RXFP1: variants seen among roughly 807,000 people sequenced by gnomAD.
RXFP1 encodes the protein relaxin family peptide receptor 1.
In RXFP1, 73 loss-of-function variants were observed where a neutral mutation model predicts 89.8. The ratio of observed to expected loss-of-function variants is 0.81; its 90% CI spans 0.67 to 0.99. The LOEUF is 0.99. Among genes scored for constraint, RXFP1 ranks in the 50% least tolerant of loss-of-function variants. The probability of loss-of-function intolerance (pLI) is 0.00; values close to 1 mark genes in which losing one functional copy is unlikely to be tolerated. For synonymous variants in RXFP1, 277 were observed against 305.5 expected (o/e 0.91, Z 0.97); for missense variants, 793 against 895.5 (o/e 0.89, Z 1.46).
chr4:158,638,119 G>GT, intron 13 of RXFP1, 40 bp downstream of exon 13: 1 of 1,195,538 alleles, frequency 8.4e-7, no homozygotes, highest in Admixed American at 2.1e-5. Context: ...TGATAAAATT[G>GT]TTTTTTAAAT....
chr4:158,574,290 A>G (rs867437240), intron 2 of RXFP1, among the ~76,000 whole-genome samples: 7 of 152,074 alleles, frequency 4.6e-5, no homozygotes, highest in Middle Eastern at 6.3e-3. Flanking sequence ...TGCTGTGATC[A>G]CTCCCCCAAG....
chr4:158,632,200 T>G (rs1768175202), intron 11 of RXFP1, among the ~76,000 whole-genome samples: 1 of 152,208 alleles, frequency 6.6e-6, no homozygotes, highest in South Asian at 2.1e-4. Context: ...CACCGATAAA[T>G]ATGTAACTAA....
At chr4:158,583,382 T>G (rs1757734102) in intron 2 of RXFP1, among the ~76,000 whole-genome samples, 2 of 152,204 alleles carry the variant, frequency 1.3e-5, no homozygotes, top group Non-Finnish European at 2.9e-5. Context: ...GGTTCTCATT[T>G]TAGAATATTC....
chr4:158,624,335 T>A (rs565402078), intron 9 of RXFP1, among the ~76,000 whole-genome samples: 76 of 152,196 alleles, frequency 5.0e-4, no homozygotes, highest in Non-Finnish European at 7.5e-4. Flanking sequence ...GAGCCAGAAA[T>A]GTAAAAGGTA....
chr4:158,593,582 AG>A (rs2150069663), intron 3 of RXFP1, 83 bp downstream of exon 3: 1 of 678,020 alleles, frequency 1.5e-6, no homozygotes, highest in Non-Finnish European at 2.3e-6. Context: ...TTTTAAAAAA[AG>A]ATTGCATCTC....
At chr4:158,522,345 A>T (rs1319239562) in intron 1 of RXFP1, among the ~76,000 whole-genome samples, 2 of 152,234 alleles carry the variant, frequency 1.3e-5, no homozygotes, top group African/African-American at 4.8e-5. Context: ...TATTCAAGGA[A>T]TATATTCATT....
At chr4:158,534,493 C>T (rs1234057887) in intron 1 of RXFP1, among the ~76,000 whole-genome samples, 1 of 152,024 alleles carries the variant, frequency 6.6e-6, no homozygotes, top group African/African-American at 2.4e-5. Flanking sequence ...GTGATCCGCC[C>T]GCCTCGGCCT....
chr4:158,628,841 C>T (rs1767458270), intron 11 of RXFP1, 132 bp downstream of exon 11: 1 of 423,448 alleles, frequency 2.4e-6, no homozygotes, highest in Non-Finnish European at 4.3e-6. Context: ...CATATATACA[C>T]CTCAAGCCAC....
intron 3 of RXFP1, among the ~76,000 whole-genome samples, chr4:158,598,317 C>T (rs1761018659): frequency 6.6e-6 from 1 of 152,152 alleles, no homozygotes; most frequent in Non-Finnish European, 1.5e-5. Context: ...TGTAGCTACA[C>T]ATGTTCCTAT....
chr4:158,580,816 G>T (rs948206625), intron 2 of RXFP1, among the ~76,000 whole-genome samples: 2 of 152,046 alleles, frequency 1.3e-5, no homozygotes, highest in Admixed American at 1.3e-4. Flanking sequence ...TATTATTTTT[G>T]AGACTGAGTC....
At chr4:158,561,504 C>A (rs1645985287) in intron 1 of RXFP1, among the ~76,000 whole-genome samples, 2 of 151,896 alleles carry the variant, frequency 1.3e-5, no homozygotes, top group Admixed American at 6.6e-5. Flanking sequence ...ATTTCATTTT[C>A]CAAAATATCT....
Position 158,645,013 on chromosome 4 carries a change from T to C in RXFP1, c.1220T>C (p.Ile407Thr), listed in dbSNP as rs1200743336. ...CTAGAGAATCTCTTGGCAAGCATTA[T>C]TCAGAGAGTATTTGTCTGGGTTGTA... The part of the protein sequence containing the change: ...SSLENLLASI[I>T]QRVFVWVVSA... Residue 407 changes from isoleucine (I) to threonine (T), a missense_variant, in exon 15 of 18, where the codon ATT (isoleucine) becomes ACT (threonine). By Grantham distance (89) the Ile-to-Thr change is moderately conservative (BLOSUM62 -1). Transcript: ENST00000307765. The C allele has an allele frequency of 6.8e-6, 11 of 1,614,178 alleles. No homozygotes were observed. Among genetic ancestry groups the C allele is most frequent in the East Asian group, 2.2e-5 (1 of 44,866 alleles).
intron 2 of RXFP1, among the ~76,000 whole-genome samples, chr4:158,575,465 C>T (rs1755998570): frequency 6.6e-6 from 1 of 151,998 alleles, no homozygotes; most frequent in South Asian, 2.1e-4. Flanking sequence ...TGCTTGTGTC[C>T]CCCATAAAGT....
chr4:158,536,650 A>G (rs1745342872), intron 1 of RXFP1, among the ~76,000 whole-genome samples: 1 of 152,214 alleles, frequency 6.6e-6, no homozygotes, highest in African/African-American at 2.4e-5. Context: ...TGTATACAGT[A>G]TGAGCAAATC....
intron 4 of RXFP1, among the ~76,000 whole-genome samples, chr4:158,603,971 A>T (rs1018193693): frequency 1.3e-5 from 2 of 150,482 alleles, no homozygotes; most frequent in African/African-American, 4.9e-5. Context: ...TGCATTATAC[A>T]TTTAAAAAGT....
chr4:158,591,024 A>T (rs995584070), intron 2 of RXFP1, among the ~76,000 whole-genome samples: 8 of 152,308 alleles, frequency 5.3e-5, no homozygotes, highest in African/African-American at 1.9e-4. Flanking sequence ...TGGCTGCAGT[A>T]ACTGCCCTAA....
At chr4:158,546,917 G>T (rs1328950943) in intron 1 of RXFP1, among the ~76,000 whole-genome samples, 1 of 151,816 alleles carries the variant, frequency 6.6e-6, no homozygotes, top group East Asian at 1.9e-4. Context: ...TCTCTTTTTT[G>T]GTTGTGTCTC....
chr4:158,613,783 G>A (rs1763999759), intron 8 of RXFP1, among the ~76,000 whole-genome samples: 1 of 152,172 alleles, frequency 6.6e-6, no homozygotes, highest in Non-Finnish European at 1.5e-5. Context: ...AATCACAAAT[G>A]TTCTTAATGG....
chr4:158,610,632 G>A (rs1038661927), intron 6 of RXFP1: 10 of 1,266,016 alleles, frequency 7.9e-6, no homozygotes, highest in Non-Finnish European at 1.0e-5. Context: ...GATTATCTCA[G>A]GTCCAGAGCA....
Sources: allele counts gnomAD v4.1 joint callset (sites outside exome capture counted in the v4.1 genomes callset), GRCh38; gene constraint gnomAD v4.1.1; transcripts MANE v1.5; gene names NCBI Gene and HGNC (gene_info 2026-07-23, HGNC 2026-07-21).